The following SHC4 variants were observed in gnomAD, a reference collection of about 807,000 sequenced individuals.
SHC4 encodes the protein SHC-transforming protein 4.
A neutral mutation model predicts 69.4 loss-of-function variants in SHC4; 41 were observed. The observed-to-expected ratio is 0.59, with a 90% CI of 0.46 to 0.77. The LOEUF (loss-of-function observed/expected upper bound fraction) is 0.77, where lower values mean the gene tolerates loss of function less well. SHC4 is among the 30% of genes least tolerant of loss of function. SHC4 has a pLI of 0.00. For missense variants in SHC4, 777 were observed against 783.8 expected, an observed-to-expected ratio of 0.99 and a Z score of 0.10; for synonymous variants, 318 against 299.3, an observed-to-expected ratio of 1.06 and a Z score of -0.64.
At chr15:48,874,725 G>A (rs571496729) in intron 4 of SHC4, among the ~76,000 whole-genome samples, 93 of 152,306 alleles carry the variant, frequency 6.1e-4, no homozygotes, top group African/African-American at 2.2e-3. Context: ...TCAATTGCTT[G>A]CAGACTCATA....
At chr15:48,877,926 T>C (rs1899845068) in intron 4 of SHC4, 3 of 436,388 alleles carry the variant, frequency 6.9e-6, no homozygotes, top group Non-Finnish European at 1.2e-5. Context: ...TGTTACGCTC[T>C]TGCATGCAGG....
intron 2 of SHC4, among the ~76,000 whole-genome samples, chr15:48,905,123 C>T (rs1165209531): frequency 2.0e-5 from 3 of 152,158 alleles, no homozygotes; most frequent in Non-Finnish European, 2.9e-5. Flanking sequence ...CTCTAACCAG[C>T]AGTGACCATG....
chr15:48,914,542 T>C (rs1368562436), intron 2 of SHC4, among the ~76,000 whole-genome samples: 1 of 152,204 alleles, frequency 6.6e-6, no homozygotes, highest in African/African-American at 2.4e-5. Flanking sequence ...GAATTTGCTG[T>C]CAAGAAATTA....
intron 11 of SHC4, among the ~76,000 whole-genome samples, chr15:48,826,788 G>A (rs1168452320): frequency 6.6e-6 from 1 of 152,134 alleles, no homozygotes; most frequent in African/African-American, 2.4e-5. Context: ...GTCTCTGTCA[G>A]AAGCAGGCCT....
chr15:48,962,426 C>G lies in SHC4; in HGVS notation c.585+5G>C. ...CTTAGAGGGCAGAGAGGAAAATGGACTTACCCTCACACAGTAGTTCATGCC... is the reference window on the plus strand; with the variant it reads ...CTTAGAGGGCAGAGAGGAAAATGGAGTTACCCTCACACAGTAGTTCATGCC... On this transcript the variant is annotated splice_donor_5th_base_variant and intron_variant, in intron 1 of 11. Transcript: ENST00000332408. 6.6e-7 allele frequency: 1 copy of G among 1,514,000 alleles called. No individual in the cohort carries two copies. Among genetic ancestry groups the G allele is most frequent in the Non-Finnish European group, 8.8e-7 (1 of 1,131,522 alleles). The allele number at this position is 1,514,000 out of a possible 1,614,324, so 93.8% of individuals were successfully genotyped here. A position where few individuals can be genotyped will look rare whatever the true frequency, so the allele number is the denominator to read the frequency against.
intron 7 of SHC4, among the ~76,000 whole-genome samples, chr15:48,856,955 C>T (rs549157579): frequency 6.6e-6 from 1 of 152,084 alleles, no homozygotes; most frequent in Non-Finnish European, 1.5e-5. Context: ...CCTTTGCTAC[C>T]CTAGACTACC....
intron 4 of SHC4, among the ~76,000 whole-genome samples, chr15:48,880,987 T>A (rs68050655): frequency 0.1 from 2,188 of 21,426 alleles, 19 homozygotes; most frequent in African/African-American, 0.15. Flanking sequence ...TGTGTGAGAG[T>A]GTGTGTGTGT....
At chr15:48,905,772 T>C (rs1270360443) in intron 2 of SHC4, among the ~76,000 whole-genome samples, 3 of 152,254 alleles carry the variant, frequency 2.0e-5, no homozygotes, top group Non-Finnish European at 4.4e-5. Flanking sequence ...TTACCATCTA[T>C]ATTTCAACAT....
intron 9 of SHC4, among the ~76,000 whole-genome samples, chr15:48,850,296 G>A (rs1040226967): frequency 6.6e-6 from 1 of 152,030 alleles, no homozygotes; most frequent in Admixed American, 6.5e-5. Context: ...ACAAGATAGA[G>A]GAAGGTGGTA....
At chr15:48,827,177 C>A (rs928279458) in intron 11 of SHC4, among the ~76,000 whole-genome samples, 1 of 152,166 alleles carries the variant, frequency 6.6e-6, no homozygotes, top group East Asian at 1.9e-4. Context: ...TTTCTGCCAG[C>A]TCTCCTACAA....
rs1477941379 is a variant in SHC4, at chr15:48,865,594, A to C, written c.946+2224T>G. Among the ~76,000 whole-genome samples the C allele has an allele frequency of 3.9e-5, 6 of 152,214 alleles. No homozygotes were observed. The East Asian group carries it at 9.6e-4, about 24-fold the overall frequency. ...TTGAGGTTGTGAAACAATCTGCCTG[A>C]CATCGTACAGTGAGATGATGAAATA... On this transcript the variant is annotated intron_variant, in intron 6 of 11. Coordinates refer to ENST00000332408, the MANE Select transcript of SHC4 (RefSeq NM_203349.4).
At chr15:48,893,299 G>A (rs1159502559) in intron 2 of SHC4, among the ~76,000 whole-genome samples, 1 of 152,164 alleles carries the variant, frequency 6.6e-6, no homozygotes, top group African/African-American at 2.4e-5. Context: ...GATATTGCTG[G>A]AGCATAACAT....
At chr15:48,883,177 T>C (rs1899974885) in intron 4 of SHC4, among the ~76,000 whole-genome samples, 1 of 152,164 alleles carries the variant, frequency 6.6e-6, no homozygotes, top group Non-Finnish European at 1.5e-5. Flanking sequence ...TCTCTGAGAA[T>C]ATTTGAGTAA....
intron 1 of SHC4, among the ~76,000 whole-genome samples, chr15:48,935,988 T>G (rs1901062167): frequency 6.6e-6 from 1 of 152,090 alleles, no homozygotes; most frequent in Non-Finnish European, 1.5e-5. Context: ...TGTGTCCTCT[T>G]TTATTTGCTT....
At chr15:48,961,551 T>G (rs1207433427) in intron 1 of SHC4, among the ~76,000 whole-genome samples, 1 of 152,228 alleles carries the variant, frequency 6.6e-6, no homozygotes, top group Non-Finnish European at 1.5e-5. Context: ...CCAACCCAGA[T>G]CTGACATTTC....
chr15:48,852,730 T>C (rs1432958939), intron 8 of SHC4, among the ~76,000 whole-genome samples: 1 of 151,782 alleles, frequency 6.6e-6, no homozygotes, highest in Non-Finnish European at 1.5e-5. Context: ...GGGGAAACCC[T>C]GTCTCTACTA....
rs1901578672 is a variant in SHC4 at position 48,963,278 on chromosome 15, G to A, written c.-263C>T. The A allele has an allele frequency of 1.6e-5, 7 of 444,110 alleles. No individual in the cohort carries two copies. In the East Asian group the frequency reaches 2.5e-4, roughly 16 times the overall value. 27.5% of individuals were successfully genotyped at this position (444,110 alleles called of 1,614,324 possible). On this transcript the variant is annotated 5_prime_UTR_variant, in exon 1 of 12. Coordinates refer to ENST00000332408, the MANE Select transcript of SHC4 (RefSeq NM_203349.4). ...GTTCTCGCCTTGGAATCCTTGTCGGGAGAGCCTAGACCCAGGCTCCCGGCG... is the reference window on the plus strand; with the variant it reads ...GTTCTCGCCTTGGAATCCTTGTCGGAAGAGCCTAGACCCAGGCTCCCGGCG...
intron 2 of SHC4, among the ~76,000 whole-genome samples, chr15:48,899,457 C>T (rs1346792340): frequency 4.6e-5 from 7 of 151,956 alleles, no homozygotes. Context: ...CAGAGCAACC[C>T]TCCGTCTCAA....
At chr15:48,915,454 G>C (rs1900601825) in intron 2 of SHC4, among the ~76,000 whole-genome samples, 1 of 152,162 alleles carries the variant, frequency 6.6e-6, no homozygotes, top group Admixed American at 6.5e-5. Context: ...AAACTGGAGA[G>C]CAGTGAAACC....
Sources: gnomAD v4.1 joint callset for allele counts (sites outside exome capture counted in the v4.1 genomes callset) on GRCh38, gnomAD v4.1.1 for gene constraint, MANE v1.5 for transcripts, NCBI Gene and HGNC (gene_info 2026-07-23, HGNC 2026-07-21) for gene names.